The following ZSWIM5 variants were observed in gnomAD, a reference collection of about 807,000 sequenced individuals.
ZSWIM5 encodes zinc finger SWIM domain-containing protein 5.
Under a neutral mutation model 119.6 loss-of-function variants are expected in ZSWIM5, and 55 were observed. The observed-to-expected ratio is 0.46, with a 90% CI of 0.37 to 0.58. The LOEUF is 0.58. ZSWIM5 is among the 20% of genes least tolerant of loss of function. ZSWIM5 has a pLI of 0.00. For synonymous variants in ZSWIM5, 537 were observed against 606.9 expected (o/e 0.88, Z 1.69); for missense variants, 1,193 against 1,512.8 (o/e 0.79, Z 3.51).
chr1:45,155,207 A>G (rs1645820209), intron 1 of ZSWIM5, among the ~76,000 whole-genome samples: 1 of 152,166 alleles, frequency 6.6e-6, no homozygotes, highest in South Asian at 2.1e-4. Context: ...AATCCCATCA[A>G]AAAGTGGGCT....
At chr1:45,084,427 A>T (rs369168355) in intron 2 of ZSWIM5, among the ~76,000 whole-genome samples, 1 of 152,226 alleles carries the variant, frequency 6.6e-6, no homozygotes, top group East Asian at 1.9e-4. Flanking sequence ...TCACATTGCA[A>T]AATACAATCA....
At chr1:45,165,848 C>T (rs1408931111) in intron 1 of ZSWIM5, among the ~76,000 whole-genome samples, 2 of 148,648 alleles carry the variant, frequency 1.3e-5, no homozygotes, top group African/African-American at 5.0e-5. Context: ...CAAAAAAAGT[C>T]CAGGACCAGA....
intron 2 of ZSWIM5, among the ~76,000 whole-genome samples, chr1:45,063,196 G>T (rs1332589203): frequency 6.6e-6 from 1 of 152,112 alleles, no homozygotes; most frequent in Non-Finnish European, 1.5e-5. Context: ...TGATGTATAT[G>T]TACCATATTT....
At chr1:45,061,839 C>T (rs1645153697) in intron 2 of ZSWIM5, among the ~76,000 whole-genome samples, 1 of 150,972 alleles carries the variant, frequency 6.6e-6, no homozygotes, top group African/African-American at 2.4e-5. Context: ...GCCTGCACTC[C>T]CAGCACTTTG....
intron 2 of ZSWIM5, among the ~76,000 whole-genome samples, chr1:45,068,162 G>A (rs1645197402): frequency 6.9e-6 from 1 of 145,778 alleles, no homozygotes; most frequent in Non-Finnish European, 1.5e-5. Flanking sequence ...GAGTGCAGTG[G>A]TGTGATCTCA....
chr1:45,163,963 C>A (rs976598799), intron 1 of ZSWIM5, among the ~76,000 whole-genome samples: 1 of 152,168 alleles, frequency 6.6e-6, no homozygotes, highest in African/African-American at 2.4e-5. Context: ...TCAGGAAATA[C>A]ATAGAACGCC....
intron 2 of ZSWIM5, among the ~76,000 whole-genome samples, chr1:45,071,275 C>T (rs1389094891): frequency 2.0e-5 from 3 of 152,050 alleles, no homozygotes; most frequent in African/African-American, 7.3e-5. Context: ...CCCCCCACTA[C>T]CCTTCCCAGC....
chr1:45,133,131 T>C (rs1038082945), intron 1 of ZSWIM5, among the ~76,000 whole-genome samples: 2 of 152,058 alleles, frequency 1.3e-5, no homozygotes, highest in African/African-American at 4.8e-5. Context: ...ATATACCCAG[T>C]AATAGGATGG....
chr1:45,157,753 CT>C (rs754648878), intron 1 of ZSWIM5, among the ~76,000 whole-genome samples: 28 of 152,088 alleles, frequency 1.8e-4, no homozygotes, highest in Admixed American at 6.5e-4. Context: ...ATGTATGGAC[CT>C]TTTTCCAAAG....
intron 1 of ZSWIM5, among the ~76,000 whole-genome samples, chr1:45,115,291 C>G (rs992391965): frequency 6.6e-6 from 1 of 151,766 alleles, no homozygotes; most frequent in Non-Finnish European, 1.5e-5. Flanking sequence ...CCCCCACCTC[C>G]CTCCTGGATG....
chr1:45,084,498 C>T (rs1448668521), intron 2 of ZSWIM5, among the ~76,000 whole-genome samples: 1 of 152,184 alleles, frequency 6.6e-6, no homozygotes, highest in Non-Finnish European at 1.5e-5. Context: ...AGTCCACCAT[C>T]CAAAGTCTCA....
At chr1:45,178,296 T>C (rs1645993386) in intron 1 of ZSWIM5, among the ~76,000 whole-genome samples, 1 of 152,078 alleles carries the variant, frequency 6.6e-6, no homozygotes, top group South Asian at 2.1e-4. Context: ...TGGTGGCGCA[T>C]GCCTGTGGTA....
chr1:45,144,669 A>G (rs1645750446), intron 1 of ZSWIM5, among the ~76,000 whole-genome samples: 1 of 152,196 alleles, frequency 6.6e-6, no homozygotes, highest in South Asian at 2.1e-4. Context: ...GAATAAACAA[A>G]CCTCAATCTA....
chr1:45,074,209 C>A lies in ZSWIM5; in HGVS notation c.952+13672G>T, dbSNP rs551656187. ...CTGTAGTTTTATTTTTTTGATATGTCTTTGTCTGGTTTTGGTATCAGGGTA... is the reference window on the plus strand; with the variant it reads ...CTGTAGTTTTATTTTTTTGATATGTATTTGTCTGGTTTTGGTATCAGGGTA... On this transcript the variant is annotated intron_variant, in intron 2 of 13. Transcript: ENST00000359600. 2.8e-4 allele frequency among the ~76,000 whole-genome samples: 42 copies of A among 151,828 alleles called. 1 individual carries two copies. The highest frequency in any genetic ancestry group is 9.9e-4 in the African/African-American group (41 of 41,280).
chr1:45,153,092 T>A (rs1473877839), intron 1 of ZSWIM5, among the ~76,000 whole-genome samples: 10 of 91,704 alleles, frequency 1.1e-4, no homozygotes, highest in East Asian at 4.7e-4. Flanking sequence ...TATTAAAAAG[T>A]TAAAAAAAAA....
intron 1 of ZSWIM5, among the ~76,000 whole-genome samples, chr1:45,202,026 A>G (rs1646161312): frequency 6.6e-6 from 1 of 152,084 alleles, no homozygotes; most frequent in Admixed American, 6.6e-5. Flanking sequence ...GAGAGAACTC[A>G]TTGATCAGAA....
intron 1 of ZSWIM5, among the ~76,000 whole-genome samples, chr1:45,099,863 A>G (rs1371586793): frequency 6.6e-6 from 1 of 151,658 alleles, no homozygotes; most frequent in African/African-American, 2.4e-5. Context: ...CATGCTAAAA[A>G]CTCTCAATAA....
rs960512427 is a variant in ZSWIM5 at position 45,113,409 on chromosome 1, G to A, written c.596-25172C>T. ...TTTAGAGACAGGGTCTTGCTGTGTT[G>A]CCTAGGCTGGCCTCAAACTCCTGGG... On this transcript the variant is annotated intron_variant, in intron 1 of 13. Transcript: ENST00000359600. 5.3e-5 allele frequency among the ~76,000 whole-genome samples: 8 copies of A among 152,134 alleles called. 1 individual carries two copies. In the South Asian group the frequency reaches 1.2e-3, roughly 24 times the overall value.
chr1:45,092,055 A>G (rs1232224046), intron 1 of ZSWIM5, among the ~76,000 whole-genome samples: 2 of 152,198 alleles, frequency 1.3e-5, no homozygotes, highest in Admixed American at 1.3e-4. Flanking sequence ...GTGCAGATAC[A>G]TTATGGTTCT....
Sources: allele counts gnomAD v4.1 joint callset (sites outside exome capture counted in the v4.1 genomes callset), GRCh38; gene constraint gnomAD v4.1.1; transcripts MANE v1.5; gene names NCBI Gene and HGNC (gene_info 2026-07-23, HGNC 2026-07-21).